RASSF7: variants seen among roughly 807,000 people sequenced by gnomAD.
RASSF7 encodes ras association domain-containing protein 7.
RASSF7 carries 41 observed loss-of-function variants against 33.8 expected under a neutral mutation model. The observed-to-expected ratio is 1.21, with a 90% confidence interval of 0.95 to 1.57. The LOEUF is 1.57. Among genes scored for constraint, RASSF7 ranks in the 40% most tolerant of loss-of-function variants. RASSF7 has a pLI of 0.00. For missense variants in RASSF7, 622 were observed against 497.0 expected (o/e 1.25, Z -2.39); for synonymous variants, 298 against 212.8 (o/e 1.40, Z -3.48).
Position 561,304 on chromosome 11 carries a change from G to A in RASSF7, c.-181G>A. 1.0e-6 allele frequency: 1 copy of A among 987,484 alleles called. No individual in the cohort carries two copies. Among genetic ancestry groups the A allele is most frequent in the Non-Finnish European group, 1.2e-6 (1 of 831,254 alleles). The allele number at this position is 987,484 out of a possible 1,614,324, so 61.2% of individuals were successfully genotyped here. On this transcript the variant is annotated 5_prime_UTR_variant, in exon 1 of 6. Transcript: ENST00000397583. The stretch of plus-strand genomic sequence containing the variant: ...GGCGGGGCTCCCCGGGCTGGCGGGG[G>A]CTGCTCAGACCCGGAGTCTGCTCCA...
At chr11:563,351 AG>A in intron 4 of RASSF7, 34 bp downstream of exon 4, 3 of 1,606,966 alleles carry the variant, frequency 1.9e-6, no homozygotes, top group Non-Finnish European at 2.5e-6. Flanking sequence ...CTGGGAGGTG[AG>A]GACCTGGCCC....
rs966693923 is a variant in RASSF7 at position 561,933 on chromosome 11, T to G, written c.124+41T>G. The G allele has an allele frequency of 1.8e-5, 29 of 1,609,850 alleles. No homozygotes were observed. The East Asian group carries it at 5.6e-4, about 31-fold the overall frequency. On this transcript the variant is annotated intron_variant, in intron 2 of 5. Transcript: ENST00000397583. Reference sequence around the variant, plus strand: ...GTCAGGCAGGCCGGGCAGGTAGAGCTGAAGTGGGACCTGGTGGTCCAGCTC... The same window carrying G: ...GTCAGGCAGGCCGGGCAGGTAGAGCGGAAGTGGGACCTGGTGGTCCAGCTC...
Position 562,507 on chromosome 11 carries a change from C to T in RASSF7, c.553C>T (p.Arg185Trp), listed in dbSNP as rs376601467. 37 of 1,549,634 alleles carry T rather than the reference C, an allele frequency of 2.4e-5. No homozygotes were observed. The highest frequency in any genetic ancestry group is 6.8e-5 in the African/African-American group (5 of 73,028). ...WEQELRREQA[R>W]EREGQARLQA... is the part of the protein sequence containing the mutation. ...GCAAGAGCTGCGCCGGGAGCAGGCCCGGGAGCGAGAGGGACAGGCACGCCT... is the reference window on the plus strand; with the variant it reads ...GCAAGAGCTGCGCCGGGAGCAGGCCTGGGAGCGAGAGGGACAGGCACGCCT... The change falls in exon 3 of 6, where the codon CGG becomes TGG. Residue 185 changes from arginine to tryptophan, a missense_variant. Transcript: ENST00000397583.
At position 563,261 on chromosome 11, in the gene RASSF7, A is replaced by T. The variant is rs749581783; in HGVS notation, c.895A>T (p.Thr299Ser). ...QCNLQQFIQQ[T>S]GAALPPPPRP... Reference sequence around the variant, plus strand: ...CAACCTGCAGCAGTTCATCCAGCAGACCGGGGCTGCGCTGCCACCGCCCCC... The same window carrying T: ...CAACCTGCAGCAGTTCATCCAGCAGTCCGGGGCTGCGCTGCCACCGCCCCC... The change falls in exon 4 of 6, where the codon ACC becomes TCC. Residue 299 changes from threonine to serine, a missense_variant. Coordinates refer to ENST00000397583, the MANE Select transcript of RASSF7 (RefSeq NM_003475.4). 2 of 1,611,394 alleles carry T rather than the reference A, an allele frequency of 1.2e-6. No homozygotes were observed. Among genetic ancestry groups the T allele is most frequent in the Non-Finnish European group, 1.7e-6 (2 of 1,179,166 alleles).
In RASSF7 at chr11:562,721, A is replaced by G. The variant is rs1329374588; in HGVS notation, c.767A>G (p.Gln256Arg). The G allele has an allele frequency of 1.3e-6, 2 of 1,538,754 alleles. No homozygotes were observed. Among genetic ancestry groups the G allele is most frequent in the Admixed American group, 2.0e-5 (1 of 50,400 alleles). Residue 256 changes from glutamine to arginine, a missense_variant, in exon 3 of 6, where the codon CAG (glutamine) becomes CGG (arginine). By Grantham distance (43) the Gln-to-Arg change is conservative. Coordinates refer to ENST00000397583, the MANE Select transcript of RASSF7 (RefSeq NM_003475.4). ...CAGGAGCGGCAGAGTGCGGAGGTGC[A>G]GGGCAGCCTGGCTCTGGTGAGCCGG... is the stretch of plus-strand genomic sequence containing the variant. The part of the protein sequence containing the change: ...AVQERQSAEV[Q>R]GSLALVSRAL...
chr11:562,871 G>T (rs550364808), intron 3 of RASSF7, 95 bp downstream of exon 3: 2 of 1,075,046 alleles, frequency 1.9e-6, no homozygotes, highest in Non-Finnish European at 2.6e-6. Flanking sequence ...AGGTGAGCCC[G>T]GGGACCTGAT....
chr11:561,726 G>A (rs1853320072), intron 1 of RASSF7, 36 bp from the exon 2 acceptor site: 3 of 1,611,862 alleles, frequency 1.9e-6, no homozygotes, highest in Admixed American at 1.7e-5. Flanking sequence ...ATAGGAGTAG[G>A]CAGGTCCTGA....
At position 563,632 on chromosome 11, in the gene RASSF7, C is replaced by G; in HGVS notation, c.1109C>G (p.Pro370Arg). ...GAGTGGTGTCCTCTGGCAGCCCAGC[C>G]CCAGGCTCTGTGACAGCCTAGTGAG... ...APEWCPLAAQ[P>R]QAL The change falls in exon 6 of 6, where the codon CCC (proline) becomes CGC (arginine). Residue 370 changes from proline (P) to arginine (R), a missense_variant. Pro to Arg is a moderately radical substitution (Grantham distance 103). Transcript: ENST00000397583. The G allele has an allele frequency of 1.2e-6, 2 of 1,610,542 alleles. No homozygotes were observed. The highest frequency in any genetic ancestry group is 2.2e-5 in the East Asian group (1 of 44,872).
Position 562,566 on chromosome 11 carries a change from C to G in RASSF7, c.612C>G (p.Ala204=). 6.5e-7 allele frequency: 1 copy of G among 1,545,128 alleles called. No homozygotes were observed. The highest frequency in any genetic ancestry group is 2.4e-5 in the East Asian group (1 of 40,904). Reference sequence around the variant, plus strand: ...TAAGTGCGGCCACTGCTGAGCATGCCGCCCGGCTGCAGGCCCTGGACGCTC... The same window carrying G: ...TAAGTGCGGCCACTGCTGAGCATGCGGCCCGGCTGCAGGCCCTGGACGCTC... ...QALSAATAEH[A]ARLQALDAQA... Residue 204 remains alanine (A), a synonymous_variant, in exon 3 of 6, where the codon GCC becomes GCG. Coordinates refer to ENST00000397583, the MANE Select transcript of RASSF7 (RefSeq NM_003475.4).
rs577742379 is a variant in RASSF7, at chr11:562,627, G to A, written c.673G>A (p.Ala225Thr). The change falls in exon 3 of 6, where the codon GCG (alanine) becomes ACG (threonine). Residue 225 changes from alanine to threonine, a missense_variant. Transcript: ENST00000397583. ...CCTGGAGGCTGAGCTGCAGCTGGCAGCGGAGGCCCCTGGGCCCCCCTCACC... is the reference window on the plus strand; with the variant it reads ...CCTGGAGGCTGAGCTGCAGCTGGCAACGGAGGCCCCTGGGCCCCCCTCACC... ...RALEAELQLA[A>T]EAPGPPSPMA... 4 of 1,543,556 alleles carry A rather than the reference G, an allele frequency of 2.6e-6. No individual in the cohort carries two copies. Among genetic ancestry groups the A allele is most frequent in the Admixed American group, 2.0e-5 (1 of 51,012 alleles).
chr11:561,011 T>G lies in RASSF7; in HGVS notation c.-474T>G. 1 of 1,021,952 alleles carries G rather than the reference T, an allele frequency of 9.8e-7. No individual in the cohort carries two copies. The highest frequency in any genetic ancestry group is 1.2e-6 in the Non-Finnish European group (1 of 855,526). The allele number at this position is 1,021,952 out of a possible 1,614,324, so 63.3% of individuals were successfully genotyped here. A position where few individuals can be genotyped will look rare whatever the true frequency, so the allele number is the denominator to read the frequency against. Reference sequence around the variant, plus strand: ...CAGGTTGCGGCGGCGCCGGAGCGGGTCTCCAGGCTGGCGAGCGCCCAGGTG... The same window carrying G: ...CAGGTTGCGGCGGCGCCGGAGCGGGGCTCCAGGCTGGCGAGCGCCCAGGTG... On this transcript the variant is annotated 5_prime_UTR_variant, in exon 1 of 6. Transcript: ENST00000397583.
rs1241857396 is a variant in RASSF7 at position 561,145 on chromosome 11, G to A, written c.-340G>A. 1.1e-5 allele frequency: 11 copies of A among 984,824 alleles called. No homozygotes were observed. In the African/African-American group the frequency reaches 1.9e-4, roughly 17 times the overall value. The allele number at this position is 984,824 out of a possible 1,614,324, so 61.0% of individuals were successfully genotyped here. A position where few individuals can be genotyped will look rare whatever the true frequency, so the allele number is the denominator to read the frequency against. ...CGCGATGCCCGGACGGAGAGCGGGG[G>A]CGGCGCCGCACCTGCGCCCGCCCTG... is the stretch of plus-strand genomic sequence containing the variant. On this transcript the variant is annotated 5_prime_UTR_variant, in exon 1 of 6. Coordinates refer to ENST00000397583, the MANE Select transcript of RASSF7 (RefSeq NM_003475.4).
rs1853388479 is a variant in RASSF7 at position 562,635 on chromosome 11, C to T, written c.681C>T (p.Ala227=). The T allele has an allele frequency of 5.8e-6, 9 of 1,543,294 alleles. No individual in the cohort carries two copies. Among genetic ancestry groups the T allele is most frequent in the Non-Finnish European group, 5.2e-6 (6 of 1,146,732 alleles). ...CTGAGCTGCAGCTGGCAGCGGAGGC[C>T]CCTGGGCCCCCCTCACCTATGGCAT... is the stretch of plus-strand genomic sequence containing the variant. The part of the protein sequence containing the change: ...LEAELQLAAE[A]PGPPSPMASA... The change falls in exon 3 of 6, where the codon GCC becomes GCT. Residue 227 remains alanine (A), a synonymous_variant. Coordinates refer to ENST00000397583, the MANE Select transcript of RASSF7 (RefSeq NM_003475.4).
In RASSF7 at chr11:561,407, C is replaced by T. The variant is rs895609380; in HGVS notation, c.-78C>T. 8.9e-6 allele frequency: 10 copies of T among 1,125,968 alleles called. No individual in the cohort carries two copies. In the African/African-American group the frequency reaches 1.2e-4, roughly 13 times the overall value. 69.7% of individuals were successfully genotyped at this position (1,125,968 alleles called of 1,614,324 possible). A position where few individuals can be genotyped will look rare whatever the true frequency, so the allele number is the denominator to read the frequency against. On this transcript the variant is annotated 5_prime_UTR_variant, in exon 1 of 6. Transcript: ENST00000397583. ...AGGTCGGGGTGGGGCGTTCCCATGC[C>T]GGCGGCCGCGGGGCCTGGCGTGCGG...
chr11:561,738 C>T lies in RASSF7; in HGVS notation c.-7-24C>T, dbSNP rs765180390. The T allele has an allele frequency of 1.6e-5, 25 of 1,612,550 alleles. No individual in the cohort carries two copies. The East Asian group carries it at 3.1e-4, about 20-fold the overall frequency. On this transcript the variant is annotated intron_variant, in intron 1 of 5. Coordinates refer to ENST00000397583, the MANE Select transcript of RASSF7 (RefSeq NM_003475.4). ...GCGATAGGAGTAGGCAGGTCCTGAC[C>T]CGGTGCCTGCGCCCTCCCCACAGGA... is the stretch of plus-strand genomic sequence containing the variant.
In RASSF7 at chr11:563,682, C is replaced by A. The variant is rs566664007; in HGVS notation, c.*37C>A. ...GGGCTGCAAGACCATCCTGCCCGGA[C>A]CACAGAAGGAGAGTTGGCGGTCACA... On this transcript the variant is annotated 3_prime_UTR_variant, in exon 6 of 6. Coordinates refer to ENST00000397583, the MANE Select transcript of RASSF7 (RefSeq NM_003475.4). 9.5e-5 allele frequency: 148 copies of A among 1,554,978 alleles called. No homozygotes were observed. The highest frequency in any genetic ancestry group is 1.1e-4 in the Non-Finnish European group (131 of 1,145,208).
Position 561,870 on chromosome 11 carries a change from C to G in RASSF7, c.102C>G (p.Val34=). 1.2e-6 allele frequency: 2 copies of G among 1,613,586 alleles called. No individual in the cohort carries two copies. The highest frequency in any genetic ancestry group is 1.7e-6 in the Non-Finnish European group (2 of 1,179,994). The change falls in exon 2 of 6, where the codon GTC becomes GTG. Residue 34 remains valine, a synonymous_variant. Coordinates refer to ENST00000397583, the MANE Select transcript of RASSF7 (RefSeq NM_003475.4). Reference sequence around the variant, plus strand: ...AGCAGACCACCTGCCAGGAAGTGGTCATCGCACTAGCCCAAGCAATAGGTG... The same window carrying G: ...AGCAGACCACCTGCCAGGAAGTGGTGATCGCACTAGCCCAAGCAATAGGTG... ...VSEQTTCQEV[V]IALAQAIGQT... is the part of the protein sequence containing the mutation.
Position 563,325 on chromosome 11 carries a change from T to A in RASSF7, c.951+8T>A. ...GGCCCTCCTGGCACTCAGGTCGGAG[T>A]GGTTCTGGGGGGAGGCTGGGAGGTG... is the stretch of plus-strand genomic sequence containing the variant. On this transcript the variant is annotated splice_region_variant and intron_variant, in intron 4 of 5. Transcript: ENST00000397583. 6.2e-7 allele frequency: 1 copy of A among 1,607,654 alleles called. No individual in the cohort carries two copies. Among genetic ancestry groups the A allele is most frequent in the South Asian group, 1.1e-5 (1 of 90,294 alleles).
At chr11:561,603 TGTGTGGCTGGCGG>T in intron 1 of RASSF7, 126 bp downstream of exon 1, 5 of 1,394,238 alleles carry the variant, frequency 3.6e-6, no homozygotes, top group Non-Finnish European at 4.8e-6. Context: ...ACCCCAGGAA[TGTGTGGCTGGCGG>T]GTGGGGCTGG....
Sources: gnomAD v4.1 joint callset for allele counts on GRCh38, gnomAD v4.1.1 for gene constraint, MANE v1.5 for transcripts, NCBI Gene and HGNC (gene_info 2026-07-23, HGNC 2026-07-21) for gene names.